MYO1G: variants seen among roughly 807,000 people sequenced by gnomAD.
MYO1G encodes myosin IG.
In MYO1G, 65 loss-of-function variants were observed where a neutral mutation model predicts 115.3. The observed-to-expected ratio is 0.56, with a 90% CI of 0.46 to 0.69. The LOEUF (loss-of-function observed/expected upper bound fraction) is 0.69, where lower values mean the gene tolerates loss of function less well. Ranked by LOEUF, MYO1G falls within the 30% of genes least tolerant of loss-of-function variation. MYO1G has a pLI of 0.00. For missense variants in MYO1G, 1,204 were observed against 1,393.5 expected, an observed-to-expected ratio of 0.86 and a Z score of 2.16; for synonymous variants, 510 against 552.6, an observed-to-expected ratio of 0.92 and a Z score of 1.08.
In MYO1G at chr7:44,964,897, TTGGCAGCCCACTTCCCCC is replaced by T. The variant is rs747430303; in HGVS notation, c.2526+30_2526+47del. On this transcript the variant is annotated intron_variant, in intron 18 of 21. Coordinates refer to ENST00000258787, the MANE Select transcript of MYO1G (RefSeq NM_033054.3). This position sits in a 1 kb window ranked among gnomAD's most constrained non-coding sequence, Gnocchi z 5.1. Reference sequence around the variant, plus strand: ...TCACAGCATTAGCCGAGAGCCCTCTTTGGCAGCCCACTTCCCCCTGGCAGCCCTGGACTCGCCTGGCAC... The same window carrying T: ...TCACAGCATTAGCCGAGAGCCCTCTTTGGCAGCCCTGGACTCGCCTGGCAC... 2.6e-6 allele frequency: 4 copies of T among 1,568,110 alleles called. No individual in the cohort carries two copies. Among genetic ancestry groups the T allele is most frequent in the Admixed American group, 1.8e-5 (1 of 55,926 alleles).
chr7:44,977,519 C>T lies in MYO1G; in HGVS notation c.96-448G>A, dbSNP rs576475202. Among the ~76,000 whole-genome samples, 13 of 152,204 alleles carry T rather than the reference C, an allele frequency of 8.5e-5. No individual in the cohort carries two copies. In the East Asian group the frequency reaches 1.4e-3, roughly 16 times the overall value. On this transcript the variant is annotated intron_variant, in intron 1 of 21. Transcript: ENST00000258787. ...GCTGTTTCCTGTCTCAAGGCCTGGG[C>T]GGGAACCCAGAGACAAAAGGGGACC... is the stretch of plus-strand genomic sequence containing the variant.
intron 1 of MYO1G, among the ~76,000 whole-genome samples, chr7:44,977,981 A>G (rs1795089040): frequency 6.6e-6 from 1 of 152,174 alleles, no homozygotes; most frequent in African/African-American, 2.4e-5. Flanking sequence ...AATAGAGAGG[A>G]CAATGTTTCA....
chr7:44,966,557 G>A lies in MYO1G; in HGVS notation c.1949+115C>T. ...GGTGTCTTGAGGCCAGCAGCGTGCT[G>A]GTTCCTGCTTGTATCGATGTTTGCG... On this transcript the variant is annotated intron_variant, in intron 15 of 21. Transcript: ENST00000258787. This position sits in a 1 kb window ranked among gnomAD's most constrained non-coding sequence, Gnocchi z 5.0. 7.5e-7 allele frequency: 1 copy of A among 1,331,774 alleles called. No homozygotes were observed. Among genetic ancestry groups the A allele is most frequent in the Admixed American group, 1.8e-5 (1 of 55,132 alleles). 82.5% of individuals were successfully genotyped at this position (1,331,774 alleles called of 1,614,324 possible). A position where few individuals can be genotyped will look rare whatever the true frequency, so the allele number is the denominator to read the frequency against.
chr7:44,965,006 A>G lies in MYO1G; in HGVS notation c.2465T>C (p.Leu822Pro). The change falls in exon 18 of 22, where the codon CTG (leucine) becomes CCG (proline). Residue 822 changes from leucine (L) to proline (P), a missense_variant. By Grantham distance (98) the Leu-to-Pro change is moderately conservative. Coordinates refer to ENST00000258787, the MANE Select transcript of MYO1G (RefSeq NM_033054.3). ...GCCCCAGTCCTGACGAAGCCCTTGC[A>G]GGGCCCCCATGGCGGCCACCTTGGC... Reference protein sequence around the residue: ...IKAKVAAMGALQGLRQDWGCR... With the variant: ...IKAKVAAMGAPQGLRQDWGCR... 1 of 1,610,544 alleles carries G rather than the reference A, an allele frequency of 6.2e-7. No homozygotes were observed. Among genetic ancestry groups the G allele is most frequent in the East Asian group, 2.2e-5 (1 of 44,792 alleles).
rs1351334425 is a variant in MYO1G, at chr7:44,970,125, T to C, written c.1247A>G (p.Asn416Ser). The change falls in exon 10 of 22, where the codon AAC (asparagine) becomes AGC (serine). Residue 416 changes from asparagine to serine, a missense_variant. Transcript: ENST00000258787. ...SFEQFCINYC[N>S]EKLQQLFIQL... Reference sequence around the variant, plus strand: ...GATGAATAGCTGCTGCAGCTTCTCGTTGCAGTAGTTGATGCAGAACTGCTC... The same window carrying C: ...GATGAATAGCTGCTGCAGCTTCTCGCTGCAGTAGTTGATGCAGAACTGCTC... 1.2e-6 allele frequency: 2 copies of C among 1,614,000 alleles called. No homozygotes were observed. The highest frequency in any genetic ancestry group is 3.3e-5 in the Admixed American group (2 of 60,016).
chr7:44,975,690 C>A, intron 3 of MYO1G, 41 bp from the exon 4 acceptor site: 1 of 1,528,354 alleles, frequency 6.5e-7, no homozygotes. Flanking sequence ...CAAAGACTTC[C>A]CATCTGGGGA....
In MYO1G at chr7:44,965,872, A is replaced by G. The variant is rs748478885; in HGVS notation, c.2158-12T>C. ...GTGCCCCGCCATGCCTGGGTGGGCCAGGTGGGATGGGATACGCAGTCAAAT... is the reference window on the plus strand; with the variant it reads ...GTGCCCCGCCATGCCTGGGTGGGCCGGGTGGGATGGGATACGCAGTCAAAT... On this transcript the variant is annotated splice_polypyrimidine_tract_variant and intron_variant, in intron 16 of 21. Transcript: ENST00000258787. 2 of 1,596,984 alleles carry G rather than the reference A, an allele frequency of 1.3e-6. No individual in the cohort carries two copies. Among genetic ancestry groups the G allele is most frequent in the Non-Finnish European group, 8.5e-7 (1 of 1,178,898 alleles).
In MYO1G at chr7:44,964,824, C is replaced by A; in HGVS notation, c.2526+121G>T. ...GGTGGGGGCTGAGGTACAGGGCCACCAGGACAGACAACCCCAGGCCTGGGA... is the reference window on the plus strand; with the variant it reads ...GGTGGGGGCTGAGGTACAGGGCCACAAGGACAGACAACCCCAGGCCTGGGA... On this transcript the variant is annotated intron_variant, in intron 18 of 21. Transcript: ENST00000258787. This position sits in a 1 kb window ranked among gnomAD's most constrained non-coding sequence, Gnocchi z 5.1. 2 of 1,433,924 alleles carry A rather than the reference C, an allele frequency of 1.4e-6. No individual in the cohort carries two copies. The highest frequency in any genetic ancestry group is 2.7e-5 in the South Asian group (2 of 73,766). 88.8% of individuals were successfully genotyped at this position (1,433,924 alleles called of 1,614,324 possible).
rs116865902 is a variant in MYO1G at position 44,963,259 on chromosome 7, G to A, written c.2746-135C>T. The A allele has an allele frequency of 0.13, 123,023 of 975,678 alleles. 8,883 individuals are homozygous for A. The highest frequency in any genetic ancestry group is 0.15 in the Non-Finnish European group (104,411 of 706,910). The allele number at this position is 975,678 out of a possible 1,614,324, so 60.4% of individuals were successfully genotyped here. The stretch of plus-strand genomic sequence containing the variant: ...AGCGCCGCCCTCGCCAGGGCCACCA[G>A]CCCCCCACCGCCCCCTCCTCCCTCT... On this transcript the variant is annotated intron_variant, in intron 20 of 21. Coordinates refer to ENST00000258787, the MANE Select transcript of MYO1G (RefSeq NM_033054.3). The surrounding 1 kb of genome is among the most constrained non-coding windows in gnomAD (Gnocchi z 4.1).
Position 44,964,060 on chromosome 7 carries a change from G to T in MYO1G, c.2734C>A (p.Pro912Thr). 6.3e-7 allele frequency: 1 copy of T among 1,592,728 alleles called. No homozygotes were observed. Among genetic ancestry groups the T allele is most frequent in the Non-Finnish European group, 8.6e-7 (1 of 1,169,496 alleles). ...DRQYRVMRAV[P>T]LEAVTGLSVT... ...CCCACATTGCTCACCGCCTCAAGGG[G>T]CACGGCCCGCATCACCCGGTACTGC... The change falls in exon 20 of 22, where the codon CCC becomes ACC. Residue 912 changes from proline (P) to threonine (T), a missense_variant. Physicochemically the swap from Pro to Thr is conservative, Grantham distance 38 (BLOSUM62 -1). Transcript: ENST00000258787. The surrounding 1 kb of genome is among the most constrained non-coding windows in gnomAD (Gnocchi z 5.1).
chr7:44,967,685 C>T lies in MYO1G; in HGVS notation c.1702G>A (p.Glu568Lys), dbSNP rs1210310349. 1 of 1,613,756 alleles carries T rather than the reference C, an allele frequency of 6.2e-7. No homozygotes were observed. Among genetic ancestry groups the T allele is most frequent in the Middle Eastern group, 1.6e-4 (1 of 6,062 alleles). ...MWPDGQQDITEVTKRPLTAGT... is the reference protein window; with the variant it reads ...MWPDGQQDITKVTKRPLTAGT... ...GCCGTCAGGGGGCGCTTGGTCACCTCTGTGATGTCCTGCTGCCCGTCCGGC... is the reference window on the plus strand; with the variant it reads ...GCCGTCAGGGGGCGCTTGGTCACCTTTGTGATGTCCTGCTGCCCGTCCGGC... The change falls in exon 14 of 22, where the codon GAG (glutamate) becomes AAG (lysine). Residue 568 changes from glutamate to lysine, a missense_variant. Coordinates refer to ENST00000258787, the MANE Select transcript of MYO1G (RefSeq NM_033054.3).
chr7:44,976,079 T>C (rs1795045063), intron 3 of MYO1G, among the ~76,000 whole-genome samples: 1 of 152,162 alleles, frequency 6.6e-6, no homozygotes, highest in Non-Finnish European at 1.5e-5. Flanking sequence ...TCTCGCTGCC[T>C]CTTGATAGGA....
At position 44,969,538 on chromosome 7, in the gene MYO1G, A is replaced by T; in HGVS notation, c.1504-55T>A. On this transcript the variant is annotated intron_variant, in intron 11 of 21. Transcript: ENST00000258787. This position sits in a 1 kb window ranked among gnomAD's most constrained non-coding sequence, Gnocchi z 5.0. ...AAAGGTATGTGGAGGGTCTGTATGA[A>T]GGGATAGCCCTGCCTCCCCACCTCC... 6.3e-7 allele frequency: 1 copy of T among 1,599,534 alleles called. No individual in the cohort carries two copies. The highest frequency in any genetic ancestry group is 8.6e-7 in the Non-Finnish European group (1 of 1,167,520).
rs954308964 is a variant in MYO1G, at chr7:44,966,704, A to C, written c.1917T>G (p.Ala639=). 4.3e-6 allele frequency: 7 copies of C among 1,613,092 alleles called. No homozygotes were observed. In the African/African-American group the frequency reaches 6.7e-5, roughly 15 times the overall value. ...ENVRVRRAGF[A]SRQPYSRFLL... ...GGAATCGAGAGTAGGGCTGGCGGGA[A>C]GCGAAGCCAGCCCTGCGGACCCTCA... The change falls in exon 15 of 22, where the codon GCT becomes GCG. Residue 639 remains alanine, a synonymous_variant. Transcript: ENST00000258787. The surrounding 1 kb of genome is among the most constrained non-coding windows in gnomAD (Gnocchi z 5.0).
At position 44,967,749 on chromosome 7, in the gene MYO1G, G is replaced by C. The variant is rs1305374623; in HGVS notation, c.1650-12C>G. The C allele has an allele frequency of 3.7e-6, 6 of 1,613,082 alleles. No individual in the cohort carries two copies. Among genetic ancestry groups the C allele is most frequent in the Non-Finnish European group, 5.1e-6 (6 of 1,179,760 alleles). ...GAGTGGGGTCCGTGCTGCAGACACA[G>C]GCCGAATTCCCAGCCATCCTCTGGG... is the stretch of plus-strand genomic sequence containing the variant. On this transcript the variant is annotated splice_polypyrimidine_tract_variant and intron_variant, in intron 13 of 21. Coordinates refer to ENST00000258787, the MANE Select transcript of MYO1G (RefSeq NM_033054.3).
In MYO1G at chr7:44,972,320, T is replaced by C. The variant is rs1794974511; in HGVS notation, c.619-95A>G. Reference sequence around the variant, plus strand: ...GAGAACAAACAGACTTGCGCTTCCTTCCAGTATTGAACGAACAAACGTGGG... The same window carrying C: ...GAGAACAAACAGACTTGCGCTTCCTCCCAGTATTGAACGAACAAACGTGGG... On this transcript the variant is annotated intron_variant, in intron 5 of 21. Transcript: ENST00000258787. 11 of 936,454 alleles carry C rather than the reference T, an allele frequency of 1.2e-5. 1 individual carries two copies. In the South Asian group the frequency reaches 1.5e-4, roughly 13 times the overall value. The allele number at this position is 936,454 out of a possible 1,614,324, so 58.0% of individuals were successfully genotyped here.
At chr7:44,975,709 T>C (rs2128702975) in intron 3 of MYO1G, 60 bp from the exon 4 acceptor site, 1 of 1,483,106 alleles carries the variant, frequency 6.7e-7, no homozygotes, top group Non-Finnish European at 9.0e-7. Flanking sequence ...GAATGCTGTC[T>C]CTGCCCCTGA....
intron 5 of MYO1G, chr7:44,974,852 G>A: frequency 2.3e-6 from 1 of 428,450 alleles, no homozygotes; most frequent in Admixed American, 3.5e-5. Flanking sequence ...GACACTGCCT[G>A]TAATCCCAGG....
rs1015975338 is a variant in MYO1G at position 44,964,580 on chromosome 7, T to C, written c.2527-61A>G. On this transcript the variant is annotated intron_variant, in intron 18 of 21. Transcript: ENST00000258787. The surrounding 1 kb of genome is among the most constrained non-coding windows in gnomAD (Gnocchi z 5.1). ...GATTGAGTCATGGGACCAGACTCAA[T>C]TGATAGCAGCTGTCTGTGAATCAGC... is the stretch of plus-strand genomic sequence containing the variant. 1.2e-5 allele frequency: 15 copies of C among 1,302,178 alleles called. No individual in the cohort carries two copies. Among genetic ancestry groups the C allele is most frequent in the Middle Eastern group, 1.9e-4 (1 of 5,372 alleles). The allele number at this position is 1,302,178 out of a possible 1,614,324, so 80.7% of individuals were successfully genotyped here.
Sources: gnomAD v4.1 joint callset for allele counts (sites outside exome capture counted in the v4.1 genomes callset) on GRCh38, gnomAD v4.1.1 for gene constraint, Gnocchi (gnomAD v3.1) non-coding constraint, MANE v1.5 for transcripts, NCBI Gene and HGNC (gene_info 2026-07-23, HGNC 2026-07-21) for gene names.